The following GNB5 variants were observed in gnomAD, a reference collection of about 807,000 sequenced individuals.
GNB5 encodes G protein subunit beta 5.
In GNB5, 37 loss-of-function variants were observed where a neutral mutation model predicts 55.3. The observed-to-expected ratio is 0.67, with a 90% CI of 0.51 to 0.88. The LOEUF is 0.88. Ranked by LOEUF, GNB5 falls within the 40% of genes least tolerant of loss-of-function variation. The pLI, the probability that GNB5 is intolerant of heterozygous loss-of-function variation, is 0.00. For missense variants in GNB5, 476 were observed against 515.3 expected (o/e 0.92, Z 0.74); for synonymous variants, 219 against 198.5 (o/e 1.10, Z -0.87).
chr15:52,157,233 G>T (rs977456476), intron 3 of GNB5, among the ~76,000 whole-genome samples: 1 of 146,562 alleles, frequency 6.8e-6, no homozygotes, highest in East Asian at 2.0e-4. Flanking sequence ...ACGGCACCCG[G>T]CCTGATTCTT....
At chr15:52,181,483 G>A (rs1351004399) in intron 2 of GNB5, among the ~76,000 whole-genome samples, 1 of 152,142 alleles carries the variant, frequency 6.6e-6, no homozygotes, top group African/African-American at 2.4e-5. Context: ...GGGCGTGGTG[G>A]TACGTGCCTG....
intron 3 of GNB5, among the ~76,000 whole-genome samples, chr15:52,166,537 A>G (rs2034455341): frequency 6.6e-6 from 1 of 152,222 alleles, no homozygotes; most frequent in South Asian, 2.1e-4. Context: ...AACTCATTCA[A>G]AACCACACGA....
rs934090570 is a variant in GNB5 at position 52,122,595 on chromosome 15, C to T, written c.*162G>A. ...CACACTAGTGTATTTCCAGAGGTGA[C>T]AGTTTTAATAGTCATATTGGAGACG... On this transcript the variant is annotated 3_prime_UTR_variant, in exon 13 of 13. Transcript: ENST00000261837. 4.7e-6 allele frequency: 3 copies of T among 645,096 alleles called. No individual in the cohort carries two copies. In the African/African-American group the frequency reaches 5.4e-5, roughly 12 times the overall value. The allele number at this position is 645,096 out of a possible 1,614,324, so 40.0% of individuals were successfully genotyped here.
intron 7 of GNB5, chr15:52,137,976 G>T: frequency 7.8e-7 from 1 of 1,286,124 alleles, no homozygotes; most frequent in Non-Finnish European, 1.0e-6. Flanking sequence ...CAGGCCTTAT[G>T]CACCGCTAGC....
chr15:52,148,093 T>A (rs2034015313), intron 5 of GNB5, among the ~76,000 whole-genome samples: 1 of 151,932 alleles, frequency 6.6e-6, no homozygotes, highest in Non-Finnish European at 1.5e-5. Context: ...TTTTACTTCC[T>A]CCTTAATGTC....
At chr15:52,184,421 G>T in intron 2 of GNB5, 130 bp downstream of exon 2, 1 of 738,706 alleles carries the variant, frequency 1.4e-6, no homozygotes, top group Non-Finnish European at 2.3e-6. Flanking sequence ...GTACTATACT[G>T]CCTCACCAAG....
chr15:52,176,555 C>A (rs899548217), intron 3 of GNB5, among the ~76,000 whole-genome samples: 3 of 152,132 alleles, frequency 2.0e-5, no homozygotes, highest in Admixed American at 6.5e-5. Context: ...AAGGTAAGAG[C>A]GGCTGCAGGG....
At chr15:52,184,776 G>A (rs955012644) in intron 1 of GNB5, 82 bp from the exon 2 acceptor site, 44 of 1,167,034 alleles carry the variant, frequency 3.8e-5, no homozygotes, top group East Asian at 9.5e-5. Context: ...TGCTTGTACC[G>A]TGGTAGCTAT....
chr15:52,180,017 G>A, intron 2 of GNB5, 138 bp from the exon 3 acceptor site: 1 of 1,129,646 alleles, frequency 8.9e-7, no homozygotes, highest in South Asian at 3.4e-5. Context: ...CAGCAGCTGC[G>A]GGCCCGGCTG....
chr15:52,188,559 A>C (rs2034877069), intron 1 of GNB5, among the ~76,000 whole-genome samples: 1 of 152,124 alleles, frequency 6.6e-6, no homozygotes, highest in Non-Finnish European at 1.5e-5. Context: ...ACTTATTGTC[A>C]ATATCCTTTT....
chr15:52,120,659 A>G lies in GNB5; in HGVS notation c.*2098T>C, dbSNP rs2033244459. 1 of 149,680 alleles carries G rather than the reference A, an allele frequency of 6.7e-6. No individual in the cohort carries two copies. Among genetic ancestry groups the G allele is most frequent in the South Asian group, 2.1e-4 (1 of 4,796 alleles). 9.3% of individuals were successfully genotyped at this position (149,680 alleles called of 1,614,324 possible). On this transcript the variant is annotated 3_prime_UTR_variant, in exon 13 of 13. Transcript: ENST00000261837. ...ATGGCTGTGGGAGAGAGGGTTGGGG[A>G]TGCCACCACAAGGAGGCCAGCTGCA...
intron 3 of GNB5, among the ~76,000 whole-genome samples, chr15:52,167,877 T>C: frequency 6.6e-6 from 1 of 151,754 alleles, no homozygotes; most frequent in East Asian, 1.9e-4. Context: ...TAATTCATCA[T>C]ATAAAAAAAA....
intron 12 of GNB5, 135 bp from the exon 13 acceptor site, chr15:52,122,903 CACAA>C (rs985546984): frequency 2.1e-5 from 15 of 698,388 alleles, no homozygotes; most frequent in Non-Finnish European, 3.1e-5. Context: ...CACACACACA[CACAA>C]ACATACACAC....
In GNB5 at chr15:52,125,998, G is replaced by C; in HGVS notation, c.959C>G (p.Ser320Cys). The C allele has an allele frequency of 6.3e-7, 1 of 1,589,618 alleles. No homozygotes were observed. The highest frequency in any genetic ancestry group is 8.6e-7 in the Non-Finnish European group (1 of 1,160,510). The change falls in exon 11 of 13, where the codon TCC becomes TGC. Residue 320 changes from serine (S) to cysteine (C), a missense_variant. Transcript: ENST00000261837. Reference protein sequence around the residue: ...LRADREVAIYSKESIIFGASS... With the variant: ...LRADREVAIYCKESIIFGASS... ...TGCTCCAAATATGATGCTTTCTTTG[G>C]AATAGATGGCAACCTCCCTATCTGC...
chr15:52,176,510 A>G (rs2034653398), intron 3 of GNB5, among the ~76,000 whole-genome samples: 1 of 152,098 alleles, frequency 6.6e-6, no homozygotes. Flanking sequence ...GGACAAACAC[A>G]CTTAGGAAGG....
In GNB5 at chr15:52,140,007, T is replaced by C. The variant is rs148415045; in HGVS notation, c.627+1133A>G. ...CATCTCATTTTGGCCACTGCACCAG[T>C]CAGTGGCCACAGCGCCCCCTGGTGA... is the stretch of plus-strand genomic sequence containing the variant. On this transcript the variant is annotated intron_variant, in intron 7 of 12. Coordinates refer to ENST00000261837, the MANE Select transcript of GNB5 (RefSeq NM_016194.4). 2.5e-3 allele frequency: 2,945 copies of C among 1,188,476 alleles called. 74 individuals are homozygous for C. In the Admixed American group the frequency reaches 0.039, roughly 16 times the overall value. The allele number at this position is 1,188,476 out of a possible 1,614,324, so 73.6% of individuals were successfully genotyped here. A position where few individuals can be genotyped will look rare whatever the true frequency, so the allele number is the denominator to read the frequency against.
chr15:52,187,050 G>A (rs1011768203), intron 1 of GNB5, among the ~76,000 whole-genome samples: 2 of 152,202 alleles, frequency 1.3e-5, no homozygotes, highest in South Asian at 2.1e-4. Context: ...CAAGGTCAGC[G>A]GCAGAGCTGA....
chr15:52,133,328 A>C (rs1275261538), intron 9 of GNB5, 50 bp downstream of exon 9: 1 of 1,277,222 alleles, frequency 7.8e-7, no homozygotes, highest in Non-Finnish European at 1.1e-6. Flanking sequence ...TACCCAAGCC[A>C]GGCAATGCCG....
rs188864411 is a variant in GNB5, at chr15:52,130,534, C to T, written c.864-2290G>A. 2.6e-3 allele frequency among the ~76,000 whole-genome samples: 401 copies of T among 152,368 alleles called. 2 individuals carry two copies. The highest frequency in any genetic ancestry group is 6.8e-3 in the Middle Eastern group (2 of 294). On this transcript the variant is annotated intron_variant, in intron 9 of 12. Transcript: ENST00000261837. ...GAATTGGGTTTATGTCTCCATTTAT[C>T]AACATCTTCTTTTATTTCTGCCATT...
Sources: gnomAD v4.1 joint callset for allele counts (sites outside exome capture counted in the v4.1 genomes callset) on GRCh38, gnomAD v4.1.1 for gene constraint, MANE v1.5 for transcripts, NCBI Gene and HGNC (gene_info 2026-07-23, HGNC 2026-07-21) for gene names.